The following SPART variants were observed in gnomAD, a reference collection of about 807,000 sequenced individuals.
SPART encodes spartin.
Under a neutral mutation model 58.7 loss-of-function variants are expected in SPART, and 35 were observed. That is an observed-to-expected ratio of 0.60 (90% CI 0.46 to 0.79). The LOEUF is 0.79. Ranked by LOEUF, SPART falls within the 30% of genes least tolerant of loss-of-function variation. SPART has a pLI of 0.00. For missense variants in SPART, 730 were observed against 786.1 expected (o/e 0.93, Z 0.85); for synonymous variants, 284 against 280.7 (o/e 1.01, Z -0.12).
chr13:36,336,560 G>A (rs953651208), intron 1 of SPART, among the ~76,000 whole-genome samples: 1 of 152,156 alleles, frequency 6.6e-6, no homozygotes, highest in African/African-American at 2.4e-5. Context: ...TTAGTGCTAA[G>A]TGAAGACAAG....
chr13:36,304,343 A>G lies in SPART; in HGVS notation c.*22T>C, dbSNP rs758636568. 6.2e-7 allele frequency: 1 copy of G among 1,613,920 alleles called. No individual in the cohort carries two copies. Among genetic ancestry groups the G allele is most frequent in the Non-Finnish European group, 8.5e-7 (1 of 1,179,860 alleles). ...TTCATCCATTTCATAAGGCTTTGGT[A>G]TAAGTGATTCCCAGCACTTCATCAT... On this transcript the variant is annotated 3_prime_UTR_variant, in exon 9 of 9. Transcript: ENST00000438666.
At chr13:36,322,524 C>T (rs1008841030) in intron 5 of SPART, among the ~76,000 whole-genome samples, 5 of 152,108 alleles carry the variant, frequency 3.3e-5, no homozygotes, top group African/African-American at 1.2e-4. Context: ...GCTAGCTGAA[C>T]CCTAAGATTA....
chr13:36,315,155 G>A (rs1881561789), intron 5 of SPART, among the ~76,000 whole-genome samples: 1 of 152,142 alleles, frequency 6.6e-6, no homozygotes, highest in African/African-American at 2.4e-5. Context: ...TTATGTTCTC[G>A]CAGCTTGAAT....
intron 1 of SPART, among the ~76,000 whole-genome samples, chr13:36,364,765 G>T (rs1338426248): frequency 3.9e-5 from 6 of 152,180 alleles, no homozygotes; most frequent in African/African-American, 1.4e-4. Context: ...TTTACAGTGA[G>T]ACAATCAAGG....
At chr13:36,352,038 G>A (rs1885432296) in intron 1 of SPART, among the ~76,000 whole-genome samples, 1 of 152,154 alleles carries the variant, frequency 6.6e-6, no homozygotes, top group African/African-American at 2.4e-5. Flanking sequence ...GTTGAAATCA[G>A]TGGGATGACT....
upstream of SPART, among the ~76,000 whole-genome samples, chr13:36,349,329 G>A (rs1377501721): frequency 6.6e-6 from 1 of 152,208 alleles, no homozygotes; most frequent in Non-Finnish European, 1.5e-5. Flanking sequence ...GTATGTTTAT[G>A]TTCACAGAAG....
intron 2 of SPART, among the ~76,000 whole-genome samples, chr13:36,334,555 C>G (rs1394504806): frequency 6.6e-6 from 1 of 152,132 alleles, no homozygotes; most frequent in Non-Finnish European, 1.5e-5. Context: ...TGCCTCCAGA[C>G]ATTGTCAAAT....
chr13:36,369,196 CAT>C (rs567134669), intron 1 of SPART, among the ~76,000 whole-genome samples: 288 of 152,112 alleles, frequency 1.9e-3, no homozygotes, highest in Middle Eastern at 3.4e-3. Context: ...AATGAAAAAA[CAT>C]AACTTGTATT....
At chr13:36,348,147 A>G (rs913125924), upstream of SPART, among the ~76,000 whole-genome samples, 1 of 152,088 alleles carries the variant, frequency 6.6e-6, no homozygotes, top group Non-Finnish European at 1.5e-5. Context: ...TTAGCTGGGC[A>G]TGGTGGTACA....
rs1885674618 is a variant in SPART at position 36,357,620 on chromosome 13, G to C, written c.-3+12469C>G. ...AACCCTTTGGCAAAACAGCAAAGTGGTTAAGAATTATGCATTATTAAAATA... is the reference window on the plus strand; with the variant it reads ...AACCCTTTGGCAAAACAGCAAAGTGCTTAAGAATTATGCATTATTAAAATA... On this transcript the variant is annotated intron_variant, in intron 1 of 8. Transcript: ENST00000355182. 2.0e-5 allele frequency among the ~76,000 whole-genome samples: 3 copies of C among 152,300 alleles called. No homozygotes were observed. The South Asian group carries it at 6.2e-4, about 32-fold the overall frequency.
chr13:36,326,411 G>T, intron 5 of SPART, 164 bp downstream of exon 5: 2 of 756,084 alleles, frequency 2.6e-6, no homozygotes, highest in Non-Finnish European at 2.1e-6. Flanking sequence ...GACAATATCT[G>T]ATGTTTCAAA....
chr13:36,364,928 C>T (rs1266599946), intron 1 of SPART, among the ~76,000 whole-genome samples: 2 of 152,226 alleles, frequency 1.3e-5, no homozygotes, highest in African/African-American at 2.4e-5. Flanking sequence ...CCAGAGGGAT[C>T]TGCACACAGG....
At chr13:36,334,267 C>T (rs1400577169) in intron 2 of SPART, among the ~76,000 whole-genome samples, 1 of 152,192 alleles carries the variant, frequency 6.6e-6, no homozygotes, top group African/African-American at 2.4e-5. Flanking sequence ...ACTAAATCCA[C>T]AGCAATGCCC....
chr13:36,366,215 T>C (rs963845737), intron 1 of SPART, among the ~76,000 whole-genome samples: 1 of 152,178 alleles, frequency 6.6e-6, no homozygotes, highest in Non-Finnish European at 1.5e-5. Flanking sequence ...CATCTTCTAT[T>C]CTCCAGCTGT....
chr13:36,311,258 T>C (rs1479523556), intron 8 of SPART, among the ~76,000 whole-genome samples: 2 of 152,202 alleles, frequency 1.3e-5, no homozygotes, highest in African/African-American at 4.8e-5. Flanking sequence ...GGATTAGAAT[T>C]TATAGCCACT....
In SPART at chr13:36,335,377, C is replaced by T. The variant is rs371769949; in HGVS notation, c.454G>A (p.Ala152Thr). The change falls in exon 2 of 9, where the codon GCA (alanine) becomes ACA (threonine). Residue 152 changes from alanine (A) to threonine (T), a missense_variant. Transcript: ENST00000438666. The stretch of plus-strand genomic sequence containing the variant: ...GACAGAGAAGCAGGTGCAGCAACTG[C>T]CCCTGCACTTGGAGTTGAGGTGTTT... ...NGNTSTPSAGAVAAPASLSLP... is the reference protein window; with the variant it reads ...NGNTSTPSAGTVAAPASLSLP... 25 of 1,614,080 alleles carry T rather than the reference C, an allele frequency of 1.5e-5. No individual in the cohort carries two copies. In the African/African-American group the frequency reaches 3.1e-4, roughly 20 times the overall value.
intron 5 of SPART, among the ~76,000 whole-genome samples, chr13:36,315,762 A>G (rs899760016): frequency 6.6e-6 from 1 of 152,222 alleles, no homozygotes; most frequent in African/African-American, 2.4e-5. Flanking sequence ...AGTTTTAAGA[A>G]GAAACCAGCT....
intron 4 of SPART, among the ~76,000 whole-genome samples, chr13:36,328,227 T>C (rs139578833): frequency 1.3e-5 from 2 of 152,290 alleles, no homozygotes; most frequent in African/African-American, 2.4e-5. Flanking sequence ...CAGTGACACT[T>C]TGCAAATAAA....
At chr13:36,342,779 CAT>C (rs544461670) in intron 1 of SPART, among the ~76,000 whole-genome samples, 78 of 152,158 alleles carry the variant, frequency 5.1e-4, no homozygotes, top group Non-Finnish European at 1.1e-3. Context: ...ACACCAACGA[CAT>C]GTGTAATTTT....
Sources: allele counts gnomAD v4.1 joint callset (sites outside exome capture counted in the v4.1 genomes callset), GRCh38; gene constraint gnomAD v4.1.1; transcripts MANE v1.5; gene names NCBI Gene and HGNC (gene_info 2026-07-23, HGNC 2026-07-21).